The following VWC2L variants were observed in gnomAD, a reference collection of about 807,000 sequenced individuals.
VWC2L encodes von Willebrand factor C domain containing 2 like.
A neutral mutation model predicts 21.6 loss-of-function variants in VWC2L; 10 were observed. That is an observed-to-expected ratio of 0.46 (90% CI 0.29 to 0.78). VWC2L has a LOEUF of 0.78. VWC2L is among the 30% of genes least tolerant of loss of function. The pLI is 0.10. For missense variants in VWC2L, 209 were observed against 277.1 expected, an observed-to-expected ratio of 0.75 and a Z score of 1.74; for synonymous variants, 96 against 94.3, an observed-to-expected ratio of 1.02 and a Z score of -0.10.
At chr2:214,434,053 A>G (rs1186181230) in intron 2 of VWC2L, among the ~76,000 whole-genome samples, 1 of 152,236 alleles carries the variant, frequency 6.6e-6, no homozygotes, top group African/African-American at 2.4e-5. Flanking sequence ...GGGATGGCGT[A>G]CAGTACATAA....
At chr2:214,423,257 T>C (rs1479643390) in intron 2 of VWC2L, among the ~76,000 whole-genome samples, 1 of 152,172 alleles carries the variant, frequency 6.6e-6, no homozygotes, top group Non-Finnish European at 1.5e-5. Flanking sequence ...AGGTCCTTTC[T>C]ACTTTTGAGC....
chr2:214,464,867 A>G (rs1038687389), intron 3 of VWC2L, among the ~76,000 whole-genome samples: 16 of 151,450 alleles, frequency 1.1e-4, no homozygotes. Flanking sequence ...AGTCCTTTCC[A>G]CTTTTCCCTC....
chr2:214,428,814 CAA>C (rs11431112), intron 2 of VWC2L, among the ~76,000 whole-genome samples: 24,035 of 97,980 alleles, frequency 0.25, 2,164 homozygotes, highest in African/African-American at 0.36. Context: ...CAGACAGTGG[CAA>C]AAAAAAAAAA....
At chr2:214,566,878 A>G (rs1283782793) in intron 3 of VWC2L, among the ~76,000 whole-genome samples, 2 of 152,202 alleles carry the variant, frequency 1.3e-5, no homozygotes, top group Non-Finnish European at 1.5e-5. Context: ...TTGATTTTTC[A>G]TAGCACAATA....
intron 3 of VWC2L, among the ~76,000 whole-genome samples, chr2:214,572,114 G>T (rs1690158391): frequency 6.6e-6 from 1 of 152,166 alleles, no homozygotes; most frequent in African/African-American, 2.4e-5. Context: ...CACTAAAAGA[G>T]AGGCCCTCAC....
intron 2 of VWC2L, chr2:214,436,397 T>TCATACAC: frequency 2.2e-6 from 1 of 463,930 alleles, no homozygotes; most frequent in Non-Finnish European, 3.9e-6. Context: ...ATAGGAAAAG[T>TCATACAC]CATACACGGG....
chr2:214,460,392 A>T (rs1703122668), intron 3 of VWC2L, among the ~76,000 whole-genome samples: 2 of 151,978 alleles, frequency 1.3e-5, no homozygotes, highest in Admixed American at 1.3e-4. Flanking sequence ...GAACACCCAA[A>T]ATTTGACTAT....
In VWC2L at chr2:214,576,696, T is replaced by C. The variant is rs1295379567; in HGVS notation, c.*876T>C. On this transcript the variant is annotated 3_prime_UTR_variant, in exon 4 of 4. Coordinates refer to ENST00000312504, the MANE Select transcript of VWC2L (RefSeq NM_001080500.4). Reference sequence around the variant, plus strand: ...ACTCACTGTCATCAGGCAATATAAATACCAGAACCAGGGTGAGAAAACCCA... The same window carrying C: ...ACTCACTGTCATCAGGCAATATAAACACCAGAACCAGGGTGAGAAAACCCA... 2 of 152,148 alleles carry C rather than the reference T, an allele frequency of 1.3e-5. No individual in the cohort carries two copies. The highest frequency in any genetic ancestry group is 4.8e-5 in the African/African-American group (2 of 41,444). The allele number at this position is 152,148 out of a possible 1,614,324, so 9.4% of individuals were successfully genotyped here. A position where few individuals can be genotyped will look rare whatever the true frequency, so the allele number is the denominator to read the frequency against.
intron 3 of VWC2L, among the ~76,000 whole-genome samples, chr2:214,474,142 G>A (rs1688464739): frequency 6.6e-6 from 1 of 151,900 alleles, no homozygotes; most frequent in African/African-American, 2.4e-5. Flanking sequence ...ATTACCATCT[G>A]CACTGCAGCA....
rs113792294 is a variant in VWC2L at position 214,555,052 on chromosome 2, A to G, written c.521-20620A>G. On this transcript the variant is annotated intron_variant, in intron 3 of 3. Transcript: ENST00000312504. ...ATTTACCATCTATTTTCTGAAGCCTAGAAGTTTTAGCTACATAACAAGAAC... is the reference window on the plus strand; with the variant it reads ...ATTTACCATCTATTTTCTGAAGCCTGGAAGTTTTAGCTACATAACAAGAAC... Among the ~76,000 whole-genome samples the G allele has an allele frequency of 5.9e-3, 905 of 152,314 alleles. 9 individuals carry two copies. Among genetic ancestry groups the G allele is most frequent in the African/African-American group, 0.02 (852 of 41,572 alleles).
intron 3 of VWC2L, among the ~76,000 whole-genome samples, chr2:214,525,854 G>C (rs886701520): frequency 1.3e-5 from 2 of 152,156 alleles, no homozygotes; most frequent in Non-Finnish European, 2.9e-5. Context: ...AGTGTGGTTT[G>C]AGCAAGTTTC....
chr2:214,521,959 T>C (rs1227502432), intron 3 of VWC2L, among the ~76,000 whole-genome samples: 3 of 152,250 alleles, frequency 2.0e-5, no homozygotes, highest in Non-Finnish European at 2.9e-5. Flanking sequence ...TAATAGCTTT[T>C]GAGAACATAG....
Position 214,414,356 on chromosome 2 carries a change from G to A in VWC2L, c.163G>A (p.Asp55Asn), listed in dbSNP as rs371952173. ...FDDYRGKGCV[D>N]DSGFVYKLGE... ...TGACTATCGAGGGAAAGGGTGTGTCGATGACAGCGGCTTTGTATACAAGTT... is the reference window on the plus strand; with the variant it reads ...TGACTATCGAGGGAAAGGGTGTGTCAATGACAGCGGCTTTGTATACAAGTT... Residue 55 changes from aspartate to asparagine, a missense_variant, in exon 2 of 4, where the codon GAT becomes AAT. By Grantham distance (23) the Asp-to-Asn change is conservative. Transcript: ENST00000312504. 5.0e-6 allele frequency: 8 copies of A among 1,613,564 alleles called. No individual in the cohort carries two copies. Among genetic ancestry groups the A allele is most frequent in the Non-Finnish European group, 1.7e-6 (2 of 1,179,800 alleles).
intron 3 of VWC2L, among the ~76,000 whole-genome samples, chr2:214,456,418 G>A (rs1427415484): frequency 6.6e-6 from 1 of 151,560 alleles, no homozygotes; most frequent in African/African-American, 2.4e-5. Context: ...TTTGTTTGGG[G>A]GTTTTTGTTT....
At chr2:214,556,290 T>C (rs1186038589) in intron 3 of VWC2L, among the ~76,000 whole-genome samples, 1 of 152,082 alleles carries the variant, frequency 6.6e-6, no homozygotes, top group Admixed American at 6.6e-5. Context: ...TTTTGGAGGT[T>C]TATTCTGCAG....
chr2:214,565,272 A>T (rs1559332959), intron 3 of VWC2L, among the ~76,000 whole-genome samples: 1 of 152,214 alleles, frequency 6.6e-6, no homozygotes, highest in Non-Finnish European at 1.5e-5. Flanking sequence ...AGATATTTAG[A>T]TAAATATCTT....
At chr2:214,540,332 T>C (rs1314224050) in intron 3 of VWC2L, among the ~76,000 whole-genome samples, 3 of 152,138 alleles carry the variant, frequency 2.0e-5, no homozygotes, top group Non-Finnish European at 2.9e-5. Flanking sequence ...ATTTTAAAAT[T>C]GAGGACACTG....
chr2:214,538,531 G>T (rs1447653337), intron 3 of VWC2L, among the ~76,000 whole-genome samples: 2 of 151,796 alleles, frequency 1.3e-5, no homozygotes, highest in Non-Finnish European at 2.9e-5. Flanking sequence ...TTTTTTATTG[G>T]ACAACTACTG....
chr2:214,512,435 GC>G (rs1689070834), intron 3 of VWC2L, among the ~76,000 whole-genome samples: 1 of 151,950 alleles, frequency 6.6e-6, no homozygotes, highest in Non-Finnish European at 1.5e-5. Context: ...GAGAGGAGCA[GC>G]AAAAATAATT....
Sources: allele counts gnomAD v4.1 joint callset (sites outside exome capture counted in the v4.1 genomes callset), GRCh38; gene constraint gnomAD v4.1.1; transcripts MANE v1.5; gene names NCBI Gene and HGNC (gene_info 2026-07-23, HGNC 2026-07-21).